The following RASA3 variants were observed in gnomAD, a reference collection of about 807,000 sequenced individuals.
RASA3 encodes the protein ras GTPase-activating protein 3.
Under a neutral mutation model 110.0 loss-of-function variants are expected in RASA3, and 73 were observed. The observed-to-expected ratio is 0.66, with a 90% CI of 0.55 to 0.81. The LOEUF (loss-of-function observed/expected upper bound fraction) is 0.81. Ranked by LOEUF, RASA3 falls within the 30% of genes least tolerant of loss-of-function variation. The pLI, the probability that RASA3 is intolerant of heterozygous loss-of-function variation, is 0.00. For synonymous variants in RASA3, 500 were observed against 451.4 expected (o/e 1.11, Z -1.37); for missense variants, 976 against 1,113.2 (o/e 0.88, Z 1.75).
intron 1 of RASA3, among the ~76,000 whole-genome samples, chr13:114,129,889 G>A (rs1248263131): frequency 6.6e-6 from 1 of 152,204 alleles, no homozygotes; most frequent in African/African-American, 2.4e-5. Flanking sequence ...TGACAGCGAG[G>A]GGCCCTCAAA....
At chr13:114,003,849 A>G (rs1459013180) in intron 18 of RASA3, among the ~76,000 whole-genome samples, 3 of 152,248 alleles carry the variant, frequency 2.0e-5, no homozygotes, top group African/African-American at 7.2e-5. Flanking sequence ...GGGACAGGAC[A>G]CGACAACAGG....
intron 1 of RASA3, among the ~76,000 whole-genome samples, chr13:114,101,982 A>C (rs2080065948): frequency 6.6e-6 from 1 of 152,174 alleles, no homozygotes; most frequent in African/African-American, 2.4e-5. Flanking sequence ...CTCAGTTTCC[A>C]AGGACCCCAC....
intron 2 of RASA3, among the ~76,000 whole-genome samples, chr13:114,062,842 G>A (rs767409663): frequency 1.8e-4 from 27 of 152,224 alleles, no homozygotes; most frequent in Non-Finnish European, 2.6e-4. Context: ...GAGGAAGGAC[G>A]CCTGGACCCT....
chr13:113,991,689 G>A (rs1172560969), intron 22 of RASA3, among the ~76,000 whole-genome samples: 1 of 152,122 alleles, frequency 6.6e-6, no homozygotes, highest in Non-Finnish European at 1.5e-5. Context: ...GAAACACACG[G>A]TGTGCCTGGC....
In RASA3 at chr13:113,996,759, C is replaced by T; in HGVS notation, c.1933-20G>A. 6.2e-7 allele frequency: 1 copy of T among 1,606,714 alleles called. No homozygotes were observed. Among genetic ancestry groups the T allele is most frequent in the Non-Finnish European group, 8.5e-7 (1 of 1,174,322 alleles). On this transcript the variant is annotated intron_variant, in intron 20 of 23. Coordinates refer to ENST00000334062, the MANE Select transcript of RASA3 (RefSeq NM_007368.4). ...GAACATCTGAGGACACAGGTGGGCT[C>T]AGGACAGCGCACATGAGGTCTCGTG...
chr13:114,095,347 G>A (rs2079929089), intron 1 of RASA3, among the ~76,000 whole-genome samples: 1 of 152,046 alleles, frequency 6.6e-6, no homozygotes, highest in African/African-American at 2.4e-5. Context: ...ACTAACTCCA[G>A]AGAATTTTCA....
At chr13:113,996,826 C>G in intron 20 of RASA3, 87 bp from the exon 21 acceptor site, 2 of 1,225,162 alleles carry the variant, frequency 1.6e-6, no homozygotes, top group South Asian at 2.7e-5. Context: ...TGGCCGTCCT[C>G]GCCGGAGTCG....
At chr13:114,105,045 T>C (rs1033181548) in intron 1 of RASA3, among the ~76,000 whole-genome samples, 3 of 151,748 alleles carry the variant, frequency 2.0e-5, no homozygotes, top group African/African-American at 7.3e-5. Flanking sequence ...CTTTGGCCAA[T>C]TGGCGCACCC....
intron 3 of RASA3, among the ~76,000 whole-genome samples, chr13:114,049,333 C>T (rs1156849215): frequency 6.6e-6 from 1 of 152,084 alleles, no homozygotes; most frequent in Non-Finnish European, 1.5e-5. Context: ...ATCCAGACAG[C>T]CACCCATTTT....
chr13:113,991,973 ACT>A (rs1395903554), intron 22 of RASA3, among the ~76,000 whole-genome samples: 7 of 152,114 alleles, frequency 4.6e-5, no homozygotes, highest in South Asian at 4.1e-4. Context: ...CCATTCATGC[ACT>A]CACACGTGTC....
In RASA3 at chr13:114,011,277, T is replaced by C. The variant is rs755562166; in HGVS notation, c.1513-29A>G. The C allele has an allele frequency of 7.6e-6, 12 of 1,569,340 alleles. No homozygotes were observed. Among genetic ancestry groups the C allele is most frequent in the African/African-American group, 1.4e-5 (1 of 74,012 alleles). ...GGGAGGCGGGAGCAAGAAAGGTCTA[T>C]GTCAGCATCACAGAAATGCTGTGAC... On this transcript the variant is annotated intron_variant, in intron 15 of 23. Coordinates refer to ENST00000334062, the MANE Select transcript of RASA3 (RefSeq NM_007368.4). The surrounding 1 kb of genome is among the most constrained non-coding windows in gnomAD (Gnocchi z 4.8).
intron 3 of RASA3, among the ~76,000 whole-genome samples, chr13:114,044,510 T>C (rs535726484): frequency 6.3e-3 from 10 of 1,588 alleles, no homozygotes; most frequent in Admixed American, 0.035. Flanking sequence ...CTCGCTGAGC[T>C]CCCCCGCCGC....
intron 18 of RASA3, among the ~76,000 whole-genome samples, chr13:114,005,645 A>G (rs2053498392): frequency 6.6e-6 from 1 of 152,168 alleles, no homozygotes; most frequent in Non-Finnish European, 1.5e-5. Context: ...AGAAATCACA[A>G]GGCTGCTGGC....
intron 1 of RASA3, among the ~76,000 whole-genome samples, chr13:114,080,948 C>T (rs1355258341): frequency 5.8e-5 from 8 of 137,868 alleles, no homozygotes; most frequent in African/African-American, 1.1e-4. Context: ...TAGTGCCCCT[C>T]GGCAGAGGGC....
chr13:114,122,730 G>A (rs1248380084), intron 1 of RASA3, among the ~76,000 whole-genome samples: 1 of 151,406 alleles, frequency 6.6e-6, no homozygotes, highest in African/African-American at 2.5e-5. Context: ...CAGCTAGGAA[G>A]GGGGTCTCCG....
rs767428054 is a variant in RASA3 at position 113,992,606 on chromosome 13, G to A, written c.2142-18C>T. 1.9e-6 allele frequency: 3 copies of A among 1,573,956 alleles called. No individual in the cohort carries two copies. The highest frequency in any genetic ancestry group is 2.6e-6 in the Non-Finnish European group (3 of 1,145,630). The stretch of plus-strand genomic sequence containing the variant: ...GGAGGCCGCTGTCCAGACACAGCAA[G>A]AACAGAAAGATAAAAACACTTATTT... On this transcript the variant is annotated intron_variant, in intron 21 of 23. Coordinates refer to ENST00000334062, the MANE Select transcript of RASA3 (RefSeq NM_007368.4).
intron 1 of RASA3, among the ~76,000 whole-genome samples, chr13:114,105,210 G>A (rs991211819): frequency 1.3e-5 from 2 of 152,070 alleles, no homozygotes; most frequent in African/African-American, 2.4e-5. Flanking sequence ...TCCGGGACTG[G>A]GAGGACGACC....
intron 18 of RASA3, among the ~76,000 whole-genome samples, chr13:114,004,264 C>A (rs2053465299): frequency 6.6e-6 from 1 of 151,886 alleles, no homozygotes; most frequent in Non-Finnish European, 1.5e-5. Context: ...AAATAAATAA[C>A]CAACAGAGCA....
At chr13:114,111,376 C>G (rs35701979) in intron 1 of RASA3, among the ~76,000 whole-genome samples, 3 of 1,498 alleles carry the variant, frequency 2.0e-3, no homozygotes, top group African/African-American at 3.8e-3. Flanking sequence ...AGCCTCAAAC[C>G]AGCTGCAGGC....
Sources: allele counts gnomAD v4.1 joint callset (sites outside exome capture counted in the v4.1 genomes callset), GRCh38; gene constraint gnomAD v4.1.1; non-coding constraint Gnocchi (gnomAD v3.1); transcripts MANE v1.5; gene names NCBI Gene and HGNC (gene_info 2026-07-23, HGNC 2026-07-21).